The following SEC11A variants were observed in gnomAD, a reference collection of about 807,000 sequenced individuals.
SEC11A encodes the protein signal peptidase complex catalytic subunit SEC11A.
Under a neutral mutation model 25.6 loss-of-function variants are expected in SEC11A, and 14 were observed. The ratio of observed to expected loss-of-function variants is 0.55; its 90% CI spans 0.36 to 0.85. The LOEUF (loss-of-function observed/expected upper bound fraction) is 0.85. SEC11A is among the 40% of genes least tolerant of loss of function. The probability of loss-of-function intolerance (pLI) is 0.01; values close to 1 mark genes in which losing one functional copy is unlikely to be tolerated. For missense variants in SEC11A, 153 were observed against 222.9 expected (o/e 0.69, Z 2.00); for synonymous variants, 83 against 76.4 (o/e 1.09, Z -0.45).
Position 84,712,936 on chromosome 15 carries a change from G to A in SEC11A, c.51+3089C>T, listed in dbSNP as rs1898328959. Among the ~76,000 whole-genome samples the A allele has an allele frequency of 6.6e-5, 10 of 152,136 alleles. No individual in the cohort carries two copies. The South Asian group carries it at 2.1e-3, about 31-fold the overall frequency. On this transcript the variant is annotated intron_variant, in intron 1 of 5. Coordinates refer to ENST00000268220, the MANE Select transcript of SEC11A (RefSeq NM_014300.4). The stretch of plus-strand genomic sequence containing the variant: ...AAAACTTATCGGCCGGCCGGGAGCA[G>A]TGGCTCACGCCTGTAATCCTAGCAT...
At chr15:84,686,184 T>C (rs996152854) in intron 3 of SEC11A, among the ~76,000 whole-genome samples, 10 of 152,340 alleles carry the variant, frequency 6.6e-5, no homozygotes, top group Non-Finnish European at 8.8e-5. Context: ...TCCACATACA[T>C]ACTGATATCT....
At chr15:84,694,539 C>G (rs753771437) in intron 1 of SEC11A, among the ~76,000 whole-genome samples, 4 of 152,012 alleles carry the variant, frequency 2.6e-5, no homozygotes, top group Admixed American at 6.5e-5. Context: ...AAGCAATATC[C>G]TAGCCATGGC....
intron 3 of SEC11A, chr15:84,686,881 T>C (rs1057228590): frequency 6.6e-6 from 1 of 152,132 alleles, no homozygotes; most frequent in Non-Finnish European, 1.5e-5. Context: ...TATTTATTTA[T>C]TTATTTTTTG....
intron 1 of SEC11A, chr15:84,714,855 C>G (rs749315359): frequency 6.6e-6 from 1 of 152,210 alleles, no homozygotes; most frequent in Non-Finnish European, 1.5e-5. Context: ...CTTTGCATTT[C>G]TCTCATTGTA....
intron 1 of SEC11A, among the ~76,000 whole-genome samples, chr15:84,701,124 G>T (rs911159335): frequency 6.9e-6 from 1 of 144,554 alleles, no homozygotes; most frequent in East Asian, 2.0e-4. Flanking sequence ...CAAACTTGAA[G>T]TCATAACAAT....
At chr15:84,700,306 G>C (rs535215400) in intron 1 of SEC11A, among the ~76,000 whole-genome samples, 49 of 151,822 alleles carry the variant, frequency 3.2e-4, no homozygotes, top group Non-Finnish European at 2.2e-4. Context: ...TTAGTAGAAA[G>C]GGATATTTGC....
At chr15:84,676,217 C>T (rs1897128194) in intron 4 of SEC11A, among the ~76,000 whole-genome samples, 1 of 151,810 alleles carries the variant, frequency 6.6e-6, no homozygotes, top group African/African-American at 2.4e-5. Context: ...AGCCTTAGGC[C>T]TCAACATAAA....
At chr15:84,708,136 A>T (rs1898152021) in intron 1 of SEC11A, among the ~76,000 whole-genome samples, 1 of 141,480 alleles carries the variant, frequency 7.1e-6, no homozygotes, top group African/African-American at 2.6e-5. Flanking sequence ...GCTTGAACCC[A>T]GGAGGCAGAG....
At chr15:84,686,192 T>A (rs1266728423) in intron 3 of SEC11A, among the ~76,000 whole-genome samples, 1 of 152,228 alleles carries the variant, frequency 6.6e-6, no homozygotes, top group African/African-American at 2.4e-5. Context: ...CATACTGATA[T>A]CTGATTTTAT....
At chr15:84,715,496 C>T (rs1441290443) in intron 1 of SEC11A, among the ~76,000 whole-genome samples, 1 of 152,178 alleles carries the variant, frequency 6.6e-6, no homozygotes, top group Non-Finnish European at 1.5e-5. Context: ...ACTGTTCCAA[C>T]TCGGAGCCCA....
intron 2 of SEC11A, 33 bp from the exon 3 acceptor site, chr15:84,687,807 G>C (rs1317112765): frequency 6.4e-7 from 1 of 1,551,418 alleles, no homozygotes; most frequent in African/African-American, 1.4e-5. Flanking sequence ...ACAGCAAAAA[G>C]AAAGTATGAG....
At chr15:84,681,179 C>T (rs1320382261) in intron 3 of SEC11A, among the ~76,000 whole-genome samples, 1 of 152,122 alleles carries the variant, frequency 6.6e-6, no homozygotes, top group Non-Finnish European at 1.5e-5. Flanking sequence ...ATACACACTA[C>T]CAATTTTCTG....
rs1044162985 is a variant in SEC11A, at chr15:84,670,178, T to G, written c.490-109A>C. ...GTGAATATATCGCTAAACTACCCAA[T>G]TATTCTTTCATCTTTTAACTATAAT... On this transcript the variant is annotated intron_variant, in intron 5 of 5. Coordinates refer to ENST00000268220, the MANE Select transcript of SEC11A (RefSeq NM_014300.4). The G allele has an allele frequency of 2.1e-5, 20 of 940,562 alleles. No homozygotes were observed. In the African/African-American group the frequency reaches 3.4e-4, roughly 16 times the overall value. 58.3% of individuals were successfully genotyped at this position (940,562 alleles called of 1,614,324 possible). A position where few individuals can be genotyped will look rare whatever the true frequency, so the allele number is the denominator to read the frequency against.
intron 2 of SEC11A, among the ~76,000 whole-genome samples, chr15:84,688,463 C>T (rs111916698): frequency 6.6e-6 from 1 of 152,210 alleles, no homozygotes; most frequent in Non-Finnish European, 1.5e-5. Flanking sequence ...TTCCATCCTA[C>T]GCCAAGTGCT....
At chr15:84,698,594 AT>A (rs1897832816) in intron 1 of SEC11A, among the ~76,000 whole-genome samples, 1 of 152,258 alleles carries the variant, frequency 6.6e-6, no homozygotes, top group East Asian at 1.9e-4. Context: ...TTAAATGATA[AT>A]TTTTTAAATT....
intron 2 of SEC11A, among the ~76,000 whole-genome samples, chr15:84,689,628 A>G (rs1450968858): frequency 1.8e-4 from 15 of 81,978 alleles, no homozygotes; most frequent in South Asian, 3.9e-4. Context: ...TTTTTTTTTG[A>G]GACAAAATTT....
At chr15:84,679,847 C>A (rs1897238097) in intron 4 of SEC11A, 1 of 940,928 alleles carries the variant, frequency 1.1e-6, no homozygotes, top group Non-Finnish European at 1.6e-6. Flanking sequence ...ACACAATAAG[C>A]CCTAATAAAC....
At chr15:84,681,613 G>A (rs556652559) in intron 3 of SEC11A, among the ~76,000 whole-genome samples, 1 of 152,252 alleles carries the variant, frequency 6.6e-6, no homozygotes, top group East Asian at 1.9e-4. Flanking sequence ...CTGGGCGACA[G>A]AGCGAGACTC....
intron 1 of SEC11A, among the ~76,000 whole-genome samples, chr15:84,693,568 G>A (rs555467770): frequency 4.0e-5 from 6 of 150,512 alleles, no homozygotes; most frequent in African/African-American, 9.8e-5. Flanking sequence ...AGTGATTCTC[G>A]TGCCATAGCC....
Sources: allele counts gnomAD v4.1 joint callset (sites outside exome capture counted in the v4.1 genomes callset), GRCh38; gene constraint gnomAD v4.1.1; transcripts MANE v1.5; gene names NCBI Gene and HGNC (gene_info 2026-07-23, HGNC 2026-07-21).